The following PCDH15 variants were observed in gnomAD, a reference collection of about 807,000 sequenced individuals.
PCDH15 encodes protocadherin-15.
PCDH15 carries 129 observed loss-of-function variants against 178.5 expected under a neutral mutation model. The observed-to-expected ratio is 0.72, with a 90% CI of 0.63 to 0.84. PCDH15 has a LOEUF of 0.84. Among genes scored for constraint, PCDH15 ranks in the 40% least tolerant of loss-of-function variants. PCDH15 has a pLI of 0.00. For missense variants in PCDH15, 2,230 were observed against 2,099.9 expected, an observed-to-expected ratio of 1.06 and a Z score of -1.21; for synonymous variants, 800 against 732.0, an observed-to-expected ratio of 1.09 and a Z score of -1.50.
intron 5 of PCDH15, among the ~76,000 whole-genome samples, chr10:54,357,905 A>T (rs1308660383): frequency 2.0e-5 from 3 of 151,818 alleles, no homozygotes; most frequent in Admixed American, 6.6e-5. Context: ...CAAAAACAAG[A>T]AATGGGGAAA....
intron 2 of PCDH15, among the ~76,000 whole-genome samples, chr10:55,376,285 TAA>T (rs1565073901): frequency 1.3e-5 from 2 of 152,270 alleles, no homozygotes; most frequent in Admixed American, 6.5e-5. Context: ...AGATATGTTA[TAA>T]GTTAGGTTAT....
intron 3 of PCDH15, among the ~76,000 whole-genome samples, chr10:54,492,309 G>A (rs911238245): frequency 2.0e-5 from 3 of 152,146 alleles, no homozygotes; most frequent in Admixed American, 6.6e-5. Flanking sequence ...AGTCAAAGAC[G>A]CTCAGCTGTC....
At chr10:55,270,932 T>C (rs1235833254) in intron 1 of PCDH15, among the ~76,000 whole-genome samples, 1 of 152,102 alleles carries the variant, frequency 6.6e-6, no homozygotes, top group African/African-American at 2.4e-5. Context: ...ATGGTACACG[T>C]ACACCATGGA....
At position 53,974,179 on chromosome 10, in the gene PCDH15, T is replaced by G. The variant is rs867133823; in HGVS notation, c.2869-12287A>C. ...ATTACAGGGACGCTCCATGCCTGGATAATTTTTGCATTTTTAGAAGAGACA... is the reference window on the plus strand; with the variant it reads ...ATTACAGGGACGCTCCATGCCTGGAGAATTTTTGCATTTTTAGAAGAGACA... On this transcript the variant is annotated intron_variant, in intron 21 of 37. Coordinates refer to ENST00000644397, the MANE Select transcript of PCDH15 (RefSeq NM_001384140.1). 7.6e-4 allele frequency among the ~76,000 whole-genome samples: 115 copies of G among 152,158 alleles called. 2 individuals carry two copies. The Middle Eastern group carries it at 0.01, about 14-fold the overall frequency.
intron 3 of PCDH15, among the ~76,000 whole-genome samples, chr10:54,876,251 A>T (rs1584907): frequency 0.61 from 92,037 of 151,526 alleles, 28,530 homozygotes; most frequent in African/African-American, 0.72. Context: ...CAGAAAAAAA[A>T]ATTTTTAATA....
rs962546504 is a variant in PCDH15 at position 55,370,321 on chromosome 10, T to C, written c.-155-203670A>G. 6.6e-5 allele frequency among the ~76,000 whole-genome samples: 10 copies of C among 152,090 alleles called. No individual in the cohort carries two copies. In the East Asian group the frequency reaches 1.7e-3, roughly 26 times the overall value. Reference sequence around the variant, plus strand: ...GATTGGCTTTTAAATGACTCATACTTGTGTGATTGCTAAAGACAGCAAAAA... The same window carrying C: ...GATTGGCTTTTAAATGACTCATACTCGTGTGATTGCTAAAGACAGCAAAAA... On this transcript the variant is annotated intron_variant, in intron 2 of 5. Coordinates refer to the PCDH15 transcript ENST00000613346.
At chr10:54,882,272 G>T (rs2131807217) in intron 3 of PCDH15, among the ~76,000 whole-genome samples, 1 of 152,084 alleles carries the variant, frequency 6.6e-6, no homozygotes, top group Admixed American at 6.6e-5. Flanking sequence ...CTAAAATAAA[G>T]TTTGCTTCAT....
At chr10:54,883,058 A>G (rs7350405) in intron 3 of PCDH15, among the ~76,000 whole-genome samples, 113,229 of 151,742 alleles carry the variant, frequency 0.75, 42,603 homozygotes, top group East Asian at 0.89. Context: ...CCTCTGATAT[A>G]TTTTGTCTTC....
intron 2 of PCDH15, among the ~76,000 whole-genome samples, chr10:54,930,886 A>T (rs1837755069): frequency 6.6e-6 from 1 of 152,192 alleles, no homozygotes; most frequent in Non-Finnish European, 1.5e-5. Flanking sequence ...TTACATACGT[A>T]CTTACTAATA....
intron 2 of PCDH15, among the ~76,000 whole-genome samples, chr10:55,475,768 A>C (rs967923859): frequency 2.0e-5 from 3 of 152,242 alleles, no homozygotes; most frequent in African/African-American, 7.2e-5. Context: ...AATTCAAAAC[A>C]CTTTGGTCCC....
intron 8 of PCDH15, among the ~76,000 whole-genome samples, chr10:54,292,737 A>G (rs867791639): frequency 4.2e-4 from 64 of 152,300 alleles, no homozygotes; most frequent in African/African-American, 1.5e-3. Flanking sequence ...GGAGAATAAA[A>G]TACCTAGGAA....
chr10:54,538,121 A>G (rs1458390693), intron 2 of PCDH15, among the ~76,000 whole-genome samples: 2 of 152,164 alleles, frequency 1.3e-5, no homozygotes, highest in East Asian at 3.8e-4. Flanking sequence ...TAGTTTATGT[A>G]GGTCCCACTT....
At chr10:54,474,221 G>C (rs1045248543) in intron 3 of PCDH15, among the ~76,000 whole-genome samples, 2 of 151,622 alleles carry the variant, frequency 1.3e-5, no homozygotes, top group Non-Finnish European at 2.9e-5. Context: ...AGAAATTTTA[G>C]CAATAAAAAT....
chr10:54,554,047 A>G (rs890289718), intron 2 of PCDH15, among the ~76,000 whole-genome samples: 3 of 152,216 alleles, frequency 2.0e-5, no homozygotes, highest in Admixed American at 6.5e-5. Context: ...TGAAATTTTT[A>G]TATTAACAGA....
intron 25 of PCDH15, chr10:53,906,864 G>A (rs909397376): frequency 1.3e-5 from 2 of 151,350 alleles, no homozygotes; most frequent in Admixed American, 6.6e-5. Flanking sequence ...TCATACCCTG[G>A]GGACACATTA....
intron 2 of PCDH15, among the ~76,000 whole-genome samples, chr10:55,091,915 C>T (rs139694764): frequency 6.9e-4 from 104 of 151,484 alleles, no homozygotes; most frequent in African/African-American, 2.2e-3. Context: ...CACTAGGGGT[C>T]GGTGTGAGTG....
chr10:54,612,763 C>A (rs184106291), intron 2 of PCDH15, among the ~76,000 whole-genome samples: 1 of 151,678 alleles, frequency 6.6e-6, no homozygotes, highest in East Asian at 1.9e-4. Context: ...TAAAATGGGA[C>A]ATAATTTATT....
chr10:55,355,314 A>T (rs1845047957), intron 2 of PCDH15, among the ~76,000 whole-genome samples: 1 of 151,978 alleles, frequency 6.6e-6, no homozygotes, highest in African/African-American at 2.4e-5. Flanking sequence ...AGTACATTTA[A>T]CTTTATAAGA....
upstream of PCDH15, among the ~76,000 whole-genome samples, chr10:54,804,308 G>A (rs1411648591): frequency 6.6e-6 from 1 of 152,080 alleles, no homozygotes; most frequent in African/African-American, 2.4e-5. Context: ...CAAAGTGCTG[G>A]GATTACAGGC....
Sources: allele counts gnomAD v4.1 joint callset (sites outside exome capture counted in the v4.1 genomes callset), GRCh38; gene constraint gnomAD v4.1.1; transcripts MANE v1.5; gene names NCBI Gene and HGNC (gene_info 2026-07-23, HGNC 2026-07-21).